The following TMEM132C variants were observed in gnomAD, a reference collection of about 807,000 sequenced individuals.
TMEM132C encodes transmembrane protein 132C.
TMEM132C carries 29 observed loss-of-function variants against 61.4 expected under a neutral mutation model. The ratio of observed to expected loss-of-function variants is 0.47; its 90% CI spans 0.35 to 0.64. The LOEUF (loss-of-function observed/expected upper bound fraction) is 0.64. Among genes scored for constraint, TMEM132C ranks in the 30% least tolerant of loss-of-function variants. The probability of loss-of-function intolerance (pLI) is 0.00; values close to 1 mark genes in which losing one functional copy is unlikely to be tolerated. For missense variants in TMEM132C, 1,408 were observed against 1,476.9 expected (o/e 0.95, Z 0.76); for synonymous variants, 656 against 633.1 (o/e 1.04, Z -0.54).
At chr12:128,487,992 CCA>C (rs1361142319) in intron 2 of TMEM132C, among the ~76,000 whole-genome samples, 1 of 152,198 alleles carries the variant, frequency 6.6e-6, no homozygotes, top group Admixed American at 6.5e-5. Context: ...TGGCCACTGA[CCA>C]CACACACAGT....
At chr12:128,702,235 T>G (rs1954809208) in intron 8 of TMEM132C, among the ~76,000 whole-genome samples, 1 of 152,102 alleles carries the variant, frequency 6.6e-6, no homozygotes, top group Non-Finnish European at 1.5e-5. Context: ...TCAACTCCTT[T>G]TAATGTCTCT....
At chr12:128,338,001 G>C (rs1872835015) in intron 1 of TMEM132C, among the ~76,000 whole-genome samples, 1 of 152,058 alleles carries the variant, frequency 6.6e-6, no homozygotes, top group South Asian at 2.1e-4. Flanking sequence ...AGGAACCAGG[G>C]AAAGAAAGCC....
At chr12:128,340,821 T>TTCTGTCTTTCTC (rs1872938978) in intron 1 of TMEM132C, among the ~76,000 whole-genome samples, 1 of 146,828 alleles carries the variant, frequency 6.8e-6, no homozygotes, top group African/African-American at 2.7e-5. Flanking sequence ...CTCTCTTTCT[T>TTCTGTCTTTCTC]TCTGTCTTTC....
intron 1 of TMEM132C, among the ~76,000 whole-genome samples, chr12:128,277,792 T>A (rs1306423589): frequency 6.6e-6 from 1 of 152,208 alleles, no homozygotes; most frequent in Non-Finnish European, 1.5e-5. Context: ...GGTCAGCTCG[T>A]TTCTCCTGCC....
At chr12:128,438,946 GGTCTGCT>G (rs1364015183) in intron 2 of TMEM132C, 1 of 152,074 alleles carries the variant, frequency 6.6e-6, no homozygotes, top group African/African-American at 2.4e-5. Flanking sequence ...AGTTCTCCTG[GGTCTGCT>G]GTAATAGGAG....
intron 1 of TMEM132C, among the ~76,000 whole-genome samples, chr12:128,373,970 C>T (rs1874105478): frequency 1.3e-5 from 2 of 152,174 alleles, no homozygotes; most frequent in African/African-American, 4.8e-5. Context: ...AAGACATGGG[C>T]CACCCAGCCT....
chr12:128,655,251 T>C (rs73428476), intron 4 of TMEM132C, among the ~76,000 whole-genome samples: 3,638 of 152,290 alleles, frequency 0.024, 145 homozygotes, highest in African/African-American at 0.081. Flanking sequence ...GGAGTTGTTA[T>C]ACCGCACTGT....
chr12:128,514,105 C>T (rs1872649688), intron 2 of TMEM132C, among the ~76,000 whole-genome samples: 1 of 152,198 alleles, frequency 6.6e-6, no homozygotes, highest in South Asian at 2.1e-4. Context: ...GAATCAAATC[C>T]CTTTCTTGTG....
chr12:128,355,100 A>G (rs1873459265), intron 1 of TMEM132C, among the ~76,000 whole-genome samples: 1 of 152,200 alleles, frequency 6.6e-6, no homozygotes, highest in African/African-American at 2.4e-5. Flanking sequence ...CATGAACTTT[A>G]TAGGAGGAAG....
At chr12:128,612,176 G>A (rs759604806) in intron 3 of TMEM132C, among the ~76,000 whole-genome samples, 12 of 152,136 alleles carry the variant, frequency 7.9e-5, no homozygotes, top group African/African-American at 2.9e-4. Flanking sequence ...GGTCAGTCTG[G>A]TCTGACCTTT....
intron 1 of TMEM132C, among the ~76,000 whole-genome samples, chr12:128,355,064 A>G (rs1873457646): frequency 6.6e-6 from 1 of 152,218 alleles, no homozygotes; most frequent in African/African-American, 2.4e-5. Context: ...TGATGATTCT[A>G]AATCCCTCCC....
chr12:128,412,191 A>G (rs936539719), intron 1 of TMEM132C, among the ~76,000 whole-genome samples: 10 of 152,168 alleles, frequency 6.6e-5, no homozygotes, highest in African/African-American at 1.9e-4. Flanking sequence ...TTTGTAACCA[A>G]TTCAGGGTTT....
intron 2 of TMEM132C, chr12:128,437,876 T>G (rs1306402561): frequency 6.6e-6 from 1 of 152,250 alleles, no homozygotes; most frequent in Non-Finnish European, 1.5e-5. Flanking sequence ...GGTCAGAAGC[T>G]TAGTGTACTC....
intron 4 of TMEM132C, among the ~76,000 whole-genome samples, chr12:128,639,438 G>A (rs1388609642): frequency 6.7e-6 from 1 of 150,342 alleles, no homozygotes; most frequent in Non-Finnish European, 1.5e-5. Flanking sequence ...CAAGAATGAT[G>A]GTGATGATAA....
intron 3 of TMEM132C, among the ~76,000 whole-genome samples, chr12:128,591,583 T>C (rs1165471403): frequency 1.3e-5 from 2 of 152,188 alleles, no homozygotes; most frequent in Admixed American, 1.3e-4. Flanking sequence ...TGCAGAGATA[T>C]GTTTCCATAT....
intron 1 of TMEM132C, among the ~76,000 whole-genome samples, chr12:128,289,273 C>A (rs970372611): frequency 6.6e-6 from 1 of 152,230 alleles, no homozygotes; most frequent in Admixed American, 6.5e-5. Flanking sequence ...TATACACACG[C>A]ACACATGCTC....
chr12:128,681,275 C>T (rs1973323), intron 5 of TMEM132C, among the ~76,000 whole-genome samples: 91,709 of 152,032 alleles, frequency 0.6, 28,153 homozygotes, highest in African/African-American at 0.73. Flanking sequence ...CCACCGCACC[C>T]GGCCTGTTTT....
At chr12:128,282,510 A>G (rs1187191084) in intron 1 of TMEM132C, among the ~76,000 whole-genome samples, 1 of 152,200 alleles carries the variant, frequency 6.6e-6, no homozygotes. Flanking sequence ...CTCACTCATT[A>G]TGATGAGAAA....
chr12:128,365,217 G>A (rs1478226083), intron 1 of TMEM132C, among the ~76,000 whole-genome samples: 1 of 152,192 alleles, frequency 6.6e-6, no homozygotes, highest in Non-Finnish European at 1.5e-5. Flanking sequence ...TCAAAGCCAA[G>A]TTGTTTGGTT....
Sources: gnomAD v4.1 joint callset for allele counts (sites outside exome capture counted in the v4.1 genomes callset) on GRCh38, gnomAD v4.1.1 for gene constraint, MANE v1.5 for transcripts, NCBI Gene and HGNC (gene_info 2026-07-23, HGNC 2026-07-21) for gene names.